The following SLC25A12 variants were observed in gnomAD, a reference collection of about 807,000 sequenced individuals.
The protein encoded by SLC25A12 is electrogenic aspartate/glutamate antiporter SLC25A12, mitochondrial.
Under a neutral mutation model 83.3 loss-of-function variants are expected in SLC25A12, and 32 were observed. That is an observed-to-expected ratio of 0.38 (90% CI 0.29 to 0.52). The LOEUF (loss-of-function observed/expected upper bound fraction) is 0.52, where lower values mean the gene tolerates loss of function less well. SLC25A12 is among the 20% of genes least tolerant of loss of function. The pLI, the probability that SLC25A12 is intolerant of heterozygous loss-of-function variation, is 0.84. For synonymous variants in SLC25A12, 267 were observed against 291.1 expected (o/e 0.92, Z 0.84); for missense variants, 611 against 835.6 (o/e 0.73, Z 3.31).
Position 171,868,882 on chromosome 2 carries a change from A to G in SLC25A12, c.67-59T>C, listed in dbSNP as rs897406505. On this transcript the variant is annotated intron_variant, in intron 2 of 17. Transcript: ENST00000422440. ...ATTATCCAATATCATTTTATATCCA[A>G]TAAATGGTTTGTGAAAAGGTAAATT... The G allele has an allele frequency of 3.6e-6, 5 of 1,400,216 alleles. No individual in the cohort carries two copies. The East Asian group carries it at 9.5e-5, about 27-fold the overall frequency. The allele number at this position is 1,400,216 out of a possible 1,614,324, so 86.7% of individuals were successfully genotyped here.
rs1021747267 is a variant in SLC25A12 at position 171,833,062 on chromosome 2, T to C, written c.845+901A>G. Reference sequence around the variant, plus strand: ...ATACTTGCATTGACTTTTTGGACCATGTTTGTTCATCTTTTTACCAGATTA... The same window carrying C: ...ATACTTGCATTGACTTTTTGGACCACGTTTGTTCATCTTTTTACCAGATTA... On this transcript the variant is annotated intron_variant, in intron 8 of 17. Transcript: ENST00000422440. Among the ~76,000 whole-genome samples the C allele has an allele frequency of 3.3e-5, 5 of 152,166 alleles. No homozygotes were observed. In the South Asian group the frequency reaches 1.0e-3, roughly 32 times the overall value.
chr2:171,856,570 A>G (rs912241466), intron 3 of SLC25A12: 6 of 152,522 alleles, frequency 3.9e-5, no homozygotes, highest in Non-Finnish European at 5.9e-5. Context: ...CAGAAAAATA[A>G]TTTTTAATGA....
chr2:171,882,618 C>T (rs1685720873), intron 2 of SLC25A12, among the ~76,000 whole-genome samples: 1 of 152,232 alleles, frequency 6.6e-6, no homozygotes, highest in Non-Finnish European at 1.5e-5. Flanking sequence ...TAAGCCTACG[C>T]ATGTTTAACC....
intron 9 of SLC25A12, among the ~76,000 whole-genome samples, chr2:171,824,828 A>C (rs1274999127): frequency 6.6e-6 from 1 of 151,798 alleles, no homozygotes; most frequent in East Asian, 1.9e-4. Flanking sequence ...TTTTTAAGAC[A>C]GAGTCTCACT....
intron 2 of SLC25A12, among the ~76,000 whole-genome samples, chr2:171,885,242 T>C (rs1435146512): frequency 6.6e-6 from 1 of 152,034 alleles, no homozygotes; most frequent in African/African-American, 2.4e-5. Flanking sequence ...ACACTAATTT[T>C]CTTATCTTTT....
At position 171,826,793 on chromosome 2, in the gene SLC25A12, C is replaced by A; in HGVS notation, c.930+5G>T. 6.5e-7 allele frequency: 1 copy of A among 1,527,158 alleles called. No individual in the cohort carries two copies. The highest frequency in any genetic ancestry group is 9.1e-7 in the Non-Finnish European group (1 of 1,100,668). The allele number at this position is 1,527,158 out of a possible 1,614,324, so 94.6% of individuals were successfully genotyped here. ...AGGTGATCATATTTATGAGATTACT[C>A]ATACCTGTCTCTGAAGTTCTGCCAG... On this transcript the variant is annotated splice_donor_5th_base_variant and intron_variant, in intron 9 of 17. Transcript: ENST00000422440.
chr2:171,850,092 C>T (rs1360261820), intron 4 of SLC25A12, among the ~76,000 whole-genome samples: 2 of 151,850 alleles, frequency 1.3e-5, no homozygotes, highest in African/African-American at 4.8e-5. Flanking sequence ...GCAAGAGCCA[C>T]CATGCCTGGC....
intron 2 of SLC25A12, among the ~76,000 whole-genome samples, chr2:171,887,110 C>T (rs1240627430): frequency 6.6e-6 from 1 of 152,150 alleles, no homozygotes; most frequent in Non-Finnish European, 1.5e-5. Context: ...CTCCAGGCTA[C>T]TGTCAAAAAT....
At chr2:171,818,204 A>G (rs1361172548) in intron 9 of SLC25A12, among the ~76,000 whole-genome samples, 1 of 152,166 alleles carries the variant, frequency 6.6e-6, no homozygotes, top group Admixed American at 6.6e-5. Flanking sequence ...AATTTTTAGC[A>G]TTTAGGCTGA....
At chr2:171,809,736 T>C (rs777650729) in intron 12 of SLC25A12, 50 bp from the exon 13 acceptor site, 1 of 1,325,282 alleles carries the variant, frequency 7.5e-7, no homozygotes, top group South Asian at 1.2e-5. Flanking sequence ...CCATTTCTCT[T>C]CTGGCATACT....
intron 8 of SLC25A12, among the ~76,000 whole-genome samples, chr2:171,827,559 A>G (rs1421334866): frequency 1.3e-5 from 2 of 152,194 alleles, no homozygotes; most frequent in Non-Finnish European, 2.9e-5. Context: ...CTTCATTTAT[A>G]TAGGGTGTAA....
chr2:171,836,130 T>C (rs908761960), intron 6 of SLC25A12, among the ~76,000 whole-genome samples: 5 of 151,960 alleles, frequency 3.3e-5, no homozygotes, highest in African/African-American at 7.3e-5. Flanking sequence ...ATTTTTTTGG[T>C]TGGGGTATGA....
intron 9 of SLC25A12, among the ~76,000 whole-genome samples, chr2:171,820,371 C>G (rs948258915): frequency 2.0e-5 from 3 of 152,000 alleles, no homozygotes; most frequent in Non-Finnish European, 2.9e-5. Flanking sequence ...CATATATACC[C>G]AAGCAGGTCT....
chr2:171,805,733 TTAGTTAA>T (rs1168262357), intron 13 of SLC25A12, among the ~76,000 whole-genome samples: 1 of 152,206 alleles, frequency 6.6e-6, no homozygotes, highest in East Asian at 1.9e-4. Context: ...TAGTAACGTT[TTAGTTAA>T]GTTGGGTGCT....
At chr2:171,864,172 AT>A (rs1685230815) in intron 3 of SLC25A12, among the ~76,000 whole-genome samples, 1 of 152,174 alleles carries the variant, frequency 6.6e-6, no homozygotes, top group African/African-American at 2.4e-5. Context: ...AATGGAAATA[AT>A]TTTTAGACTA....
At chr2:171,794,120 T>G (rs950205747) in intron 13 of SLC25A12, among the ~76,000 whole-genome samples, 2 of 152,114 alleles carry the variant, frequency 1.3e-5, no homozygotes, top group Non-Finnish European at 2.9e-5. Context: ...AGGTACTCAA[T>G]GAAAGAAAAA....
intron 3 of SLC25A12, among the ~76,000 whole-genome samples, chr2:171,867,082 G>A (rs1162788554): frequency 2.9e-5 from 4 of 136,902 alleles, no homozygotes; most frequent in South Asian, 2.3e-4. Flanking sequence ...ATGGGCGGCC[G>A]GGCAGAGACG....
At chr2:171,794,006 T>G (rs1440944351) in intron 13 of SLC25A12, among the ~76,000 whole-genome samples, 1 of 152,142 alleles carries the variant, frequency 6.6e-6, no homozygotes, top group Non-Finnish European at 1.5e-5. Context: ...AGCTGAAATG[T>G]CAAGATTGTT....
intron 13 of SLC25A12, among the ~76,000 whole-genome samples, chr2:171,797,874 G>A (rs1683630961): frequency 6.6e-6 from 1 of 152,106 alleles, no homozygotes; most frequent in Non-Finnish European, 1.5e-5. Context: ...TGTTACTAAT[G>A]CTTACATTAG....
Sources: gnomAD v4.1 joint callset for allele counts (sites outside exome capture counted in the v4.1 genomes callset) on GRCh38, gnomAD v4.1.1 for gene constraint, MANE v1.5 for transcripts, NCBI Gene and HGNC (gene_info 2026-07-23, HGNC 2026-07-21) for gene names.